The following SH3RF3 variants were observed in gnomAD, a reference collection of about 807,000 sequenced individuals.
SH3RF3 encodes the protein SH3 domain containing ring finger 3.
A neutral mutation model predicts 66.3 loss-of-function variants in SH3RF3; 29 were observed. The observed-to-expected ratio is 0.44, with a 90% CI of 0.33 to 0.60. SH3RF3 has a LOEUF of 0.60. Among genes scored for constraint, SH3RF3 ranks in the 20% least tolerant of loss-of-function variants. The pLI is 0.04. For synonymous variants in SH3RF3, 583 were observed against 532.0 expected (o/e 1.10, Z -1.32); for missense variants, 1,194 against 1,190.9 (o/e 1.00, Z -0.04).
At chr2:109,164,744 C>G (rs1414300714) in intron 1 of SH3RF3, among the ~76,000 whole-genome samples, 1 of 152,178 alleles carries the variant, frequency 6.6e-6, no homozygotes, top group East Asian at 1.9e-4. Flanking sequence ...ACCTGGCTTG[C>G]AGAACCTCTG....
intron 1 of SH3RF3, among the ~76,000 whole-genome samples, chr2:109,152,755 G>A (rs1677253142): frequency 1.3e-5 from 2 of 152,196 alleles, no homozygotes; most frequent in Non-Finnish European, 2.9e-5. Context: ...GAGGGGCGGG[G>A]GGGACCCAGT....
chr2:109,202,802 G>A (rs1678714092), intron 1 of SH3RF3, among the ~76,000 whole-genome samples: 1 of 152,192 alleles, frequency 6.6e-6, no homozygotes, highest in Admixed American at 6.5e-5. Context: ...TTAAGCAAAG[G>A]GGGTCGAGAG....
rs143814725 is a variant in SH3RF3 at position 109,294,063 on chromosome 2, G to C, written c.574-53611G>C. 2.6e-4 allele frequency among the ~76,000 whole-genome samples: 39 copies of C among 152,256 alleles called. No individual in the cohort carries two copies. The East Asian group carries it at 6.6e-3, about 26-fold the overall frequency. On this transcript the variant is annotated intron_variant, in intron 1 of 9. Transcript: ENST00000309415. Reference sequence around the variant, plus strand: ...CTTTTCTCTGCCTGGAAAGTGACCTGGATTCTTCCTTCTGACATGTAAGAT... The same window carrying C: ...CTTTTCTCTGCCTGGAAAGTGACCTCGATTCTTCCTTCTGACATGTAAGAT...
intron 2 of SH3RF3, among the ~76,000 whole-genome samples, chr2:109,367,639 A>C (rs985648107): frequency 3.9e-5 from 6 of 152,172 alleles, no homozygotes; most frequent in Non-Finnish European, 7.4e-5. Flanking sequence ...TCTCTCCTGT[A>C]TCATTTTTAA....
Position 109,275,465 on chromosome 2 carries a change from C to T in SH3RF3, c.574-72209C>T, listed in dbSNP as rs115061586. Among the ~76,000 whole-genome samples, 357 of 152,302 alleles carry T rather than the reference C, an allele frequency of 2.3e-3. 1 individual carries two copies. The highest frequency in any genetic ancestry group is 8.2e-3 in the African/African-American group (340 of 41,560). The stretch of plus-strand genomic sequence containing the variant: ...GGAAGTCTGCTGTAGGCCAAGGCAG[C>T]AGCTTAATCAGGGCCTTATTTATTG... On this transcript the variant is annotated intron_variant, in intron 1 of 9. Coordinates refer to ENST00000309415, the MANE Select transcript of SH3RF3 (RefSeq NM_001099289.3).
At chr2:109,425,316 T>A (rs7368869) in intron 5 of SH3RF3, among the ~76,000 whole-genome samples, 82,198 of 152,138 alleles carry the variant, frequency 0.54, 22,486 homozygotes, top group African/African-American at 0.6. Flanking sequence ...GGAAAAGCTG[T>A]AGCAAGTTAT....
At chr2:109,155,369 T>C (rs11689235) in intron 1 of SH3RF3, among the ~76,000 whole-genome samples, 21,417 of 152,120 alleles carry the variant, frequency 0.14, 1,635 homozygotes, top group Middle Eastern at 0.21. Context: ...GGTGGGATCT[T>C]GGCTCACTGC....
intron 1 of SH3RF3, among the ~76,000 whole-genome samples, chr2:109,271,007 C>G (rs963071687): frequency 6.6e-6 from 1 of 152,208 alleles, no homozygotes; most frequent in Non-Finnish European, 1.5e-5. Flanking sequence ...TGGGTCACCC[C>G]TCATTGAACA....
chr2:109,474,545 C>T (rs955087923), intron 8 of SH3RF3, among the ~76,000 whole-genome samples: 2 of 152,160 alleles, frequency 1.3e-5, no homozygotes, highest in Non-Finnish European at 2.9e-5. Context: ...GATTACAGTC[C>T]GAACCGCACG....
intron 1 of SH3RF3, among the ~76,000 whole-genome samples, chr2:109,216,444 G>A (rs1382841527): frequency 6.6e-6 from 1 of 152,228 alleles, no homozygotes; most frequent in African/African-American, 2.4e-5. Context: ...GTCCAGGGGA[G>A]TTGGTCACTT....
intron 1 of SH3RF3, among the ~76,000 whole-genome samples, chr2:109,180,336 C>A (rs879596915): frequency 3.3e-5 from 5 of 152,142 alleles, no homozygotes; most frequent in Admixed American, 6.5e-5. Context: ...TTCTCTGTTT[C>A]CTGATTCCAT....
At chr2:109,266,909 C>A (rs985528858) in intron 1 of SH3RF3, among the ~76,000 whole-genome samples, 1 of 152,140 alleles carries the variant, frequency 6.6e-6, no homozygotes, top group African/African-American at 2.4e-5. Flanking sequence ...GATGTATGTC[C>A]CTGAGCAGGA....
rs116024091 is a variant in SH3RF3, at chr2:109,379,958, C to T, written c.945+8277C>T. 6.9e-3 allele frequency among the ~76,000 whole-genome samples: 1,057 copies of T among 152,302 alleles called. 6 individuals are homozygous for T. Among genetic ancestry groups the T allele is most frequent in the African/African-American group, 0.023 (971 of 41,564 alleles). ...CAGGGAGAATAAGCAGTGGTCTTGC[C>T]TTCACCAGTAACCCACTGTTTCCCT... On this transcript the variant is annotated intron_variant, in intron 3 of 9. Transcript: ENST00000309415.
intron 1 of SH3RF3, among the ~76,000 whole-genome samples, chr2:109,133,334 C>G (rs1400755145): frequency 1.3e-5 from 2 of 152,212 alleles, no homozygotes; most frequent in African/African-American, 2.4e-5. Context: ...TTGAAAATCT[C>G]TTCTGTGTCT....
At chr2:109,478,696 A>G (rs1678755024) in intron 8 of SH3RF3, among the ~76,000 whole-genome samples, 1 of 152,008 alleles carries the variant, frequency 6.6e-6, no homozygotes, top group South Asian at 2.1e-4. Flanking sequence ...TGGGGAAGGG[A>G]GAGAGGGGGA....
chr2:109,289,080 A>C (rs1681103553), intron 1 of SH3RF3, among the ~76,000 whole-genome samples: 1 of 152,314 alleles, frequency 6.6e-6, no homozygotes, highest in Middle Eastern at 3.4e-3. Context: ...ATTATAACTG[A>C]GGAGCTGGCG....
chr2:109,348,467 G>A (rs1682766002), intron 2 of SH3RF3, among the ~76,000 whole-genome samples: 1 of 152,206 alleles, frequency 6.6e-6, no homozygotes, highest in Admixed American at 6.5e-5. Flanking sequence ...GGATCCCTGT[G>A]AAGCAAACAT....
chr2:109,186,812 C>A (rs1013810846), intron 1 of SH3RF3, among the ~76,000 whole-genome samples: 9 of 152,194 alleles, frequency 5.9e-5, no homozygotes, highest in African/African-American at 2.2e-4. Context: ...CCACCTACAA[C>A]CCCAGCACCA....
Position 109,170,297 on chromosome 2 carries a change from CTCTTCTCTTCTCTT to C in SH3RF3, c.573+40185_573+40198del, listed in dbSNP as rs1185904727. On this transcript the variant is annotated intron_variant, in intron 1 of 9. Transcript: ENST00000309415. ...CTCTTCTCTTCTCTTCTCTTCTCTT[CTCTTCTCTTCTCTT>C]CTCTCCTCTCTCTCTCTCCTCTCTC... Among the ~76,000 whole-genome samples the C allele has an allele frequency of 4.5e-4, 57 of 127,484 alleles. 1 individual carries two copies. The East Asian group carries it at 5.5e-3, about 12-fold the overall frequency. The allele number at this position is 127,484 out of a possible 152,430, so 83.6% of individuals were successfully genotyped here. A position where few individuals can be genotyped will look rare whatever the true frequency, so the allele number is the denominator to read the frequency against.
Sources: allele counts gnomAD v4.1 joint callset (sites outside exome capture counted in the v4.1 genomes callset), GRCh38; gene constraint gnomAD v4.1.1; transcripts MANE v1.5; gene names NCBI Gene and HGNC (gene_info 2026-07-23, HGNC 2026-07-21).